PARN: variants seen among roughly 807,000 people sequenced by gnomAD.
PARN encodes the protein poly(A)-specific ribonuclease PARN.
Under a neutral mutation model 102.8 loss-of-function variants are expected in PARN, and 71 were observed. The observed-to-expected ratio is 0.69, with a 90% CI of 0.57 to 0.84. PARN has a LOEUF of 0.84. PARN is among the 40% of genes least tolerant of loss of function. The pLI is 0.00. For synonymous variants in PARN, 261 were observed against 252.9 expected, an observed-to-expected ratio of 1.03 and a Z score of -0.30; for missense variants, 782 against 760.9, an observed-to-expected ratio of 1.03 and a Z score of -0.33.
chr16:14,625,931 T>C (rs1002315857), intron 5 of PARN, among the ~76,000 whole-genome samples: 15 of 152,176 alleles, frequency 9.9e-5, no homozygotes, highest in African/African-American at 3.1e-4. Flanking sequence ...CCATACCCCT[T>C]ACTCACATTC....
chr16:14,615,446 G>C (rs962500814), intron 6 of PARN, among the ~76,000 whole-genome samples: 13 of 152,274 alleles, frequency 8.5e-5, no homozygotes, highest in Non-Finnish European at 1.6e-4. Flanking sequence ...TCAGAGTCAA[G>C]TATGAGACGA....
At chr16:14,616,964 G>A (rs1446580489) in intron 6 of PARN, among the ~76,000 whole-genome samples, 5 of 151,818 alleles carry the variant, frequency 3.3e-5, no homozygotes, top group South Asian at 2.1e-4. Context: ...CACGCCAGTG[G>A]TAGAATAAAC....
At chr16:14,453,585 G>A (rs771314345) in intron 22 of PARN, among the ~76,000 whole-genome samples, 9 of 152,250 alleles carry the variant, frequency 5.9e-5, no homozygotes, top group South Asian at 4.1e-4. Flanking sequence ...AAGATTCCTC[G>A]TGTCACTCTG....
chr16:14,493,692 G>T (rs1964170384), intron 21 of PARN, among the ~76,000 whole-genome samples: 2 of 152,170 alleles, frequency 1.3e-5, no homozygotes, highest in South Asian at 4.1e-4. Flanking sequence ...CATGAGCAGG[G>T]GCAGCAGCAA....
At chr16:14,560,788 G>A (rs182927621) in intron 18 of PARN, among the ~76,000 whole-genome samples, 70 of 152,356 alleles carry the variant, frequency 4.6e-4, no homozygotes, top group Non-Finnish European at 8.4e-4. Context: ...GCTCCAAAGA[G>A]CCACCACCTC....
rs148972832 is a variant in PARN, at chr16:14,629,131, G to T, written c.97+466C>A. 1.0e-3 allele frequency among the ~76,000 whole-genome samples: 154 copies of T among 152,344 alleles called. 1 individual carries two copies. Among genetic ancestry groups the T allele is most frequent in the African/African-American group, 3.4e-3 (141 of 41,584 alleles). On this transcript the variant is annotated intron_variant, in intron 2 of 23. Coordinates refer to ENST00000437198, the MANE Select transcript of PARN (RefSeq NM_002582.4). ...GGTTGCTAAAGGCTGGGCGAAAGGA[G>T]AAATGGGGAGTTTAATGTGTAAAGA... is the stretch of plus-strand genomic sequence containing the variant.
chr16:14,462,753 A>G (rs1222106910), intron 22 of PARN, among the ~76,000 whole-genome samples: 1 of 152,254 alleles, frequency 6.6e-6, no homozygotes, highest in Non-Finnish European at 1.5e-5. Context: ...ATGCAAAGAC[A>G]CAAAAGACAC....
At chr16:14,557,049 T>C (rs1191699732) in intron 18 of PARN, among the ~76,000 whole-genome samples, 1 of 152,210 alleles carries the variant, frequency 6.6e-6, no homozygotes, top group Non-Finnish European at 1.5e-5. Flanking sequence ...TGTCATGCCA[T>C]TCAATTTTCT....
chr16:14,460,142 A>G (rs1339154991), intron 22 of PARN, among the ~76,000 whole-genome samples: 1 of 152,204 alleles, frequency 6.6e-6, no homozygotes, highest in African/African-American at 2.4e-5. Flanking sequence ...GAAAAGACAT[A>G]TTAATTATAA....
At position 14,534,143 on chromosome 16, in the gene PARN, C is replaced by T. The variant is rs892159782; in HGVS notation, c.1480+17878G>A. Among the ~76,000 whole-genome samples the T allele has an allele frequency of 2.0e-5, 3 of 149,964 alleles. No homozygotes were observed. The East Asian group carries it at 6.0e-4, about 30-fold the overall frequency. The stretch of plus-strand genomic sequence containing the variant: ...CTGAGGTGGGAGGGTAATCTGAGCC[C>T]GGGAGGTCAAGGCTGCTGTGAACCA... On this transcript the variant is annotated intron_variant, in intron 21 of 23. Coordinates refer to ENST00000437198, the MANE Select transcript of PARN (RefSeq NM_002582.4).
At chr16:14,609,623 A>C (rs1221153848) in intron 7 of PARN, among the ~76,000 whole-genome samples, 2 of 152,092 alleles carry the variant, frequency 1.3e-5, no homozygotes, top group Non-Finnish European at 2.9e-5. Context: ...TTTTGGGGGG[A>C]AGAGGGTTAC....
At chr16:14,555,943 G>A (rs1967657567) in intron 18 of PARN, among the ~76,000 whole-genome samples, 1 of 151,908 alleles carries the variant, frequency 6.6e-6, no homozygotes, top group African/African-American at 2.4e-5. Context: ...TTGGCTCACT[G>A]CAACCTCTAC....
chr16:14,591,149 G>A (rs1402319020), intron 13 of PARN, among the ~76,000 whole-genome samples: 1 of 151,936 alleles, frequency 6.6e-6, no homozygotes, highest in Non-Finnish European at 1.5e-5. Context: ...CCAGCACTCT[G>A]GGAGGCCAAG....
intron 22 of PARN, among the ~76,000 whole-genome samples, chr16:14,470,136 C>G (rs1205845941): frequency 2.0e-5 from 3 of 152,060 alleles, no homozygotes; most frequent in Admixed American, 1.3e-4. Context: ...TGAAAGCGTT[C>G]TAACACAACA....
chr16:14,542,963 A>G (rs1399841812), intron 21 of PARN, among the ~76,000 whole-genome samples: 1 of 152,248 alleles, frequency 6.6e-6, no homozygotes, highest in Non-Finnish European at 1.5e-5. Flanking sequence ...ATGAATTTAT[A>G]GACTCAATAA....
intron 17 of PARN, among the ~76,000 whole-genome samples, chr16:14,581,405 T>C (rs1297097584): frequency 6.6e-6 from 1 of 152,030 alleles, no homozygotes; most frequent in Non-Finnish European, 1.5e-5. Context: ...TGTCAGTGGT[T>C]TTTCTTGCAG....
intron 13 of PARN, among the ~76,000 whole-genome samples, chr16:14,590,043 G>C (rs1970079384): frequency 6.6e-6 from 1 of 151,398 alleles, no homozygotes; most frequent in African/African-American, 2.4e-5. Flanking sequence ...CTGAGGTCAG[G>C]AGTTCAAGAC....
At chr16:14,554,256 G>C (rs1304719208) in intron 19 of PARN, 105 bp from the exon 20 acceptor site, 1 of 722,616 alleles carries the variant, frequency 1.4e-6, no homozygotes, top group Non-Finnish European at 2.3e-6. Context: ...GAACTGTTAT[G>C]AATTCCTCAT....
chr16:14,463,270 A>G (rs943584828), intron 22 of PARN, among the ~76,000 whole-genome samples: 1 of 152,228 alleles, frequency 6.6e-6, no homozygotes, highest in Admixed American at 6.5e-5. Flanking sequence ...TCTCAACGAC[A>G]TACTGGAAAC....
Sources: allele counts gnomAD v4.1 joint callset (sites outside exome capture counted in the v4.1 genomes callset), GRCh38; gene constraint gnomAD v4.1.1; transcripts MANE v1.5; gene names NCBI Gene and HGNC (gene_info 2026-07-23, HGNC 2026-07-21).